TOPAZ1: variants seen among roughly 807,000 people sequenced by gnomAD.
TOPAZ1 encodes protein TOPAZ1.
A neutral mutation model predicts 172.2 loss-of-function variants in TOPAZ1; 66 were observed. The observed-to-expected ratio is 0.38, with a 90% confidence interval of 0.31 to 0.47. TOPAZ1 has a LOEUF of 0.47. Among genes scored for constraint, TOPAZ1 ranks in the 20% least tolerant of loss-of-function variants. The pLI is 0.99. For synonymous variants in TOPAZ1, 681 were observed against 683.9 expected (o/e 1.00, Z 0.07); for missense variants, 1,822 against 1,972.4 (o/e 0.92, Z 1.44).
At chr3:44,295,696 A>T (rs1053593625) in intron 12 of TOPAZ1, among the ~76,000 whole-genome samples, 3 of 152,190 alleles carry the variant, frequency 2.0e-5, no homozygotes, top group Non-Finnish European at 4.4e-5. Context: ...GCAATTATAA[A>T]GTATATGCAC....
At chr3:44,268,057 T>C (rs1699851169) in intron 6 of TOPAZ1, among the ~76,000 whole-genome samples, 1 of 152,222 alleles carries the variant, frequency 6.6e-6, no homozygotes, top group Non-Finnish European at 1.5e-5. Flanking sequence ...TTATTTGTTA[T>C]TTTTATCTTT....
At chr3:44,272,739 T>G (rs1460008079) in intron 8 of TOPAZ1, among the ~76,000 whole-genome samples, 3 of 152,150 alleles carry the variant, frequency 2.0e-5, no homozygotes, top group African/African-American at 7.2e-5. Context: ...TTTTGTATTT[T>G]TAGTAGAGAC....
chr3:44,336,675 C>T (rs550453759), downstream of TOPAZ1, among the ~76,000 whole-genome samples: 3 of 152,328 alleles, frequency 2.0e-5, no homozygotes, highest in South Asian at 4.1e-4. Flanking sequence ...GAGACTGTGG[C>T]TGTCATAGCC....
At chr3:44,293,877 T>C (rs558258672) in intron 12 of TOPAZ1, among the ~76,000 whole-genome samples, 10 of 152,298 alleles carry the variant, frequency 6.6e-5, no homozygotes, top group African/African-American at 2.2e-4. Flanking sequence ...GGCTGTACCA[T>C]CTAGGTTTGT....
chr3:44,272,916 T>A (rs1456200419), intron 8 of TOPAZ1, among the ~76,000 whole-genome samples: 1 of 152,198 alleles, frequency 6.6e-6, no homozygotes, highest in East Asian at 1.9e-4. Context: ...TTATTTGAAT[T>A]CTTTATATAT....
At chr3:44,291,631 A>C (rs918786615) in intron 12 of TOPAZ1, among the ~76,000 whole-genome samples, 5 of 151,640 alleles carry the variant, frequency 3.3e-5, no homozygotes, top group African/African-American at 4.8e-5. Context: ...TGAAAAAAAA[A>C]CTCTAACAAT....
chr3:44,319,142 C>A (rs1024078773), intron 16 of TOPAZ1, among the ~76,000 whole-genome samples: 2 of 152,076 alleles, frequency 1.3e-5, no homozygotes, highest in Admixed American at 1.3e-4. Context: ...CAAGGCAAGG[C>A]GGGGAAGAAC....
At chr3:44,246,455 A>C (rs996376993) in intron 2 of TOPAZ1, among the ~76,000 whole-genome samples, 1 of 152,210 alleles carries the variant, frequency 6.6e-6, no homozygotes. Flanking sequence ...TTGTGGTATC[A>C]TACTCTTCTT....
At chr3:44,328,528 C>A in intron 19 of TOPAZ1, 95 bp downstream of exon 19, 3 of 579,550 alleles carry the variant, frequency 5.2e-6, no homozygotes, top group Non-Finnish European at 8.5e-6. Flanking sequence ...TTTATACATA[C>A]ATATATATTT....
chr3:44,271,138 A>G (rs1418912342), intron 8 of TOPAZ1, among the ~76,000 whole-genome samples: 1 of 152,158 alleles, frequency 6.6e-6, no homozygotes, highest in Admixed American at 6.5e-5. Context: ...TTTGGTGAAC[A>G]TATGTATACG....
intron 9 of TOPAZ1, among the ~76,000 whole-genome samples, 160 bp downstream of exon 9, chr3:44,282,191 T>G (rs1226428339): frequency 6.6e-6 from 1 of 152,178 alleles, no homozygotes; most frequent in Non-Finnish European, 1.5e-5. Context: ...GATATTTTGG[T>G]TAATAAAAAA....
intron 2 of TOPAZ1, among the ~76,000 whole-genome samples, chr3:44,253,692 T>C (rs4682735): frequency 0.44 from 67,105 of 151,816 alleles, 16,476 homozygotes; most frequent in East Asian, 0.8. Context: ...GTGTATGTTT[T>C]CTGTTTGTAT....
chr3:44,260,054 G>C (rs1011937885), intron 4 of TOPAZ1, among the ~76,000 whole-genome samples: 1 of 152,210 alleles, frequency 6.6e-6, no homozygotes, highest in East Asian at 1.9e-4. Context: ...ATTAGCGTTT[G>C]GTAGTTCCTC....
In TOPAZ1 at chr3:44,244,202, G is replaced by A; in HGVS notation, c.1696G>A (p.Asp566Asn). 6.5e-7 allele frequency: 1 copy of A among 1,550,184 alleles called. No homozygotes were observed. Among genetic ancestry groups the A allele is most frequent in the South Asian group, 1.2e-5 (1 of 83,680 alleles). ...NTESSSKEKL[D>N]SNSNCLSSVS... ...TGAATCTTCAAGTAAAGAAAAATTA[G>A]ATTCTAATTCTAATTGTTTGTCTTC... Residue 566 changes from aspartate to asparagine, a missense_variant, in exon 2 of 20, where the codon GAT becomes AAT. Coordinates refer to ENST00000309765, the MANE Select transcript of TOPAZ1 (RefSeq NM_001145030.2).
chr3:44,252,682 G>C (rs1699648533), intron 2 of TOPAZ1, among the ~76,000 whole-genome samples: 1 of 152,214 alleles, frequency 6.6e-6, no homozygotes, highest in Non-Finnish European at 1.5e-5. Context: ...TTATCCGTCA[G>C]TCACATCTGA....
intron 6 of TOPAZ1, 52 bp from the exon 7 acceptor site, chr3:44,269,164 G>A (rs1699865367): frequency 1.0e-6 from 1 of 988,312 alleles, no homozygotes; most frequent in East Asian, 2.6e-5. Flanking sequence ...TTGTTATGAA[G>A]AAAATAAGTT....
chr3:44,309,743 C>A, intron 15 of TOPAZ1, 82 bp from the exon 16 acceptor site: 1 of 1,034,632 alleles, frequency 9.7e-7, no homozygotes, highest in Non-Finnish European at 1.4e-6. Flanking sequence ...AAACTGGATA[C>A]TTGGCTTGTG....
At position 44,243,673 on chromosome 3, in the gene TOPAZ1, C is replaced by A; in HGVS notation, c.1167C>A (p.Val389=). 2 of 1,550,196 alleles carry A rather than the reference C, an allele frequency of 1.3e-6. No homozygotes were observed. Among genetic ancestry groups the A allele is most frequent in the South Asian group, 2.4e-5 (2 of 83,942 alleles). The part of the protein sequence containing the change: ...NVLRKVSHNT[V]SLMDHLLSVP... ...TGAGAAAAGTAAGCCATAATACAGT[C>A]TCTTTGATGGATCATTTATTAAGTG... The change falls in exon 2 of 20, where the codon GTC becomes GTA. Residue 389 remains valine, a synonymous_variant. Coordinates refer to ENST00000309765, the MANE Select transcript of TOPAZ1 (RefSeq NM_001145030.2).
intron 2 of TOPAZ1, among the ~76,000 whole-genome samples, chr3:44,247,015 C>T (rs1413522680): frequency 6.6e-6 from 1 of 152,078 alleles, no homozygotes; most frequent in Non-Finnish European, 1.5e-5. Flanking sequence ...AATTAAAGTG[C>T]AGGACCTTTG....
Sources: allele counts gnomAD v4.1 joint callset (sites outside exome capture counted in the v4.1 genomes callset), GRCh38; gene constraint gnomAD v4.1.1; transcripts MANE v1.5; gene names NCBI Gene and HGNC (gene_info 2026-07-23, HGNC 2026-07-21).